The following FARP1 variants were observed in gnomAD, a reference collection of about 807,000 sequenced individuals.
The protein encoded by FARP1 is FERM, ARH/RhoGEF and pleckstrin domain protein 1.
Under a neutral mutation model 128.8 loss-of-function variants are expected in FARP1, and 52 were observed. The observed-to-expected ratio is 0.40, with a 90% confidence interval of 0.32 to 0.51. FARP1 has a LOEUF of 0.51. Ranked by LOEUF, FARP1 falls within the 20% of genes least tolerant of loss-of-function variation. The pLI is 0.45. For missense variants in FARP1, 1,333 were observed against 1,367.9 expected (o/e 0.97, Z 0.40); for synonymous variants, 580 against 551.8 (o/e 1.05, Z -0.72).
intron 23 of FARP1, 113 bp downstream of exon 23, chr13:98,440,348 G>T: frequency 1.3e-6 from 1 of 792,060 alleles, no homozygotes. Flanking sequence ...GTGTACATTT[G>T]TGTTTAAAGC....
At chr13:98,179,093 A>G (rs550102642) in intron 1 of FARP1, among the ~76,000 whole-genome samples, 1 of 152,318 alleles carries the variant, frequency 6.6e-6, no homozygotes, top group Admixed American at 6.5e-5. Context: ...TGATAAAGAC[A>G]CACCTGAGAC....
At chr13:98,159,609 T>C (rs1876732203) in intron 1 of FARP1, 1 of 152,120 alleles carries the variant, frequency 6.6e-6, no homozygotes, top group Non-Finnish European at 1.5e-5. Context: ...GTAGCTGGGA[T>C]TACAGGCATG....
At position 98,454,048 on chromosome 13, in the gene FARP1, C is replaced by T. The variant is rs1267172414; in HGVS notation, c.*5731C>T. On this transcript the variant is annotated 3_prime_UTR_variant, in exon 27 of 27. Coordinates refer to ENST00000319562, the MANE Select transcript of FARP1 (RefSeq NM_005766.4). ...AGATTGGGGATTTGGGATATTCAGC[C>T]TGTATATGTGCACTATATAAGTATA... is the stretch of plus-strand genomic sequence containing the variant. 1 of 152,146 alleles carries T rather than the reference C, an allele frequency of 6.6e-6. No homozygotes were observed. Among genetic ancestry groups the T allele is most frequent in the Non-Finnish European group, 1.5e-5 (1 of 68,044 alleles). 9.4% of individuals were successfully genotyped at this position (152,146 alleles called of 1,614,324 possible). A position where few individuals can be genotyped will look rare whatever the true frequency, so the allele number is the denominator to read the frequency against.
intron 6 of FARP1, chr13:98,383,691 G>C (rs1889976850): frequency 2.0e-5 from 3 of 152,208 alleles, no homozygotes; most frequent in African/African-American, 7.2e-5. Flanking sequence ...AAGGTGTGCT[G>C]TCTCAGAGGT....
chr13:98,411,965 C>G lies in FARP1; in HGVS notation c.1757C>G (p.Pro586Arg). The G allele has an allele frequency of 1.2e-6, 2 of 1,613,920 alleles. No individual in the cohort carries two copies. The highest frequency in any genetic ancestry group is 1.7e-6 in the Non-Finnish European group (2 of 1,179,822). Residue 586 changes from proline (P) to arginine (R), a missense_variant, in exon 16 of 27, where the codon CCG (proline) becomes CGG (arginine). Pro to Arg is a moderately radical substitution (Grantham distance 103). Transcript: ENST00000319562. ...MPEALKSLIF[P>R]NFEPLHKFHT... ...GAAGCACTGAAAAGTCTCATATTCC[C>G]GAATTTTGAACCTTTGCACAAATTT...
chr13:98,177,278 CT>C, intron 1 of FARP1: 1 of 1,473,774 alleles, frequency 6.8e-7, no homozygotes. Context: ...GTGCGTCACC[CT>C]TGCGTCGCCC....
chr13:98,244,513 T>C, intron 2 of FARP1: 1 of 1,614,162 alleles, frequency 6.2e-7, no homozygotes, highest in Non-Finnish European at 8.5e-7. Context: ...TCCTCCTTCC[T>C]CAAAGCCACC....
chr13:98,259,549 C>G (rs903323002), intron 2 of FARP1, among the ~76,000 whole-genome samples: 1 of 152,110 alleles, frequency 6.6e-6, no homozygotes, highest in Admixed American at 6.5e-5. Context: ...GTTTTGCCCC[C>G]CAGGTTTCCT....
intron 1 of FARP1, among the ~76,000 whole-genome samples, chr13:98,202,047 T>G (rs1393039076): frequency 1.3e-5 from 2 of 152,360 alleles, no homozygotes; most frequent in East Asian, 3.9e-4. Context: ...ATAGCTGTTT[T>G]TGAACTTTCT....
intron 2 of FARP1, among the ~76,000 whole-genome samples, chr13:98,235,923 A>C (rs897047440): frequency 6.6e-6 from 1 of 151,756 alleles, no homozygotes; most frequent in Non-Finnish European, 1.5e-5. Context: ...TCCTGGGTTA[A>C]AGCAATTCCC....
At chr13:98,199,859 A>T (rs1257091921) in intron 1 of FARP1, among the ~76,000 whole-genome samples, 2 of 152,162 alleles carry the variant, frequency 1.3e-5, no homozygotes, top group African/African-American at 2.4e-5. Context: ...GGGTGAGCTA[A>T]AGTTTAAAGT....
chr13:98,177,178 A>G, intron 1 of FARP1: 1 of 1,606,990 alleles, frequency 6.2e-7, no homozygotes, highest in Non-Finnish European at 8.5e-7. Flanking sequence ...TTTGAAGAGG[A>G]AGGTGCATAC....
chr13:98,261,841 A>G (rs1295425291), intron 2 of FARP1, among the ~76,000 whole-genome samples: 7 of 152,108 alleles, frequency 4.6e-5, no homozygotes, highest in African/African-American at 1.4e-4. Flanking sequence ...TGGGGAGGGC[A>G]TCAAGCCATT....
intron 4 of FARP1, among the ~76,000 whole-genome samples, chr13:98,365,755 C>T (rs1255476674): frequency 3.3e-5 from 5 of 152,256 alleles, no homozygotes; most frequent in Non-Finnish European, 5.9e-5. Flanking sequence ...CTGTCACTTT[C>T]GAAGGGAAGA....
chr13:98,272,904 A>G (rs193183950), intron 2 of FARP1, among the ~76,000 whole-genome samples: 141 of 152,348 alleles, frequency 9.3e-4, no homozygotes, highest in African/African-American at 3.3e-3. Flanking sequence ...GTCAAAAGCT[A>G]GAAGGGCCCT....
chr13:98,352,893 A>G (rs1034488628), intron 3 of FARP1, among the ~76,000 whole-genome samples: 2 of 152,196 alleles, frequency 1.3e-5, no homozygotes, highest in African/African-American at 4.8e-5. Flanking sequence ...AGATTAAACA[A>G]TATAAACTCC....
In FARP1 at chr13:98,329,181, C is replaced by T. The variant is rs559668825; in HGVS notation, c.172-14581C>T. ...CTAGGTATTTCTTTTCCTGTGTGAC[C>T]GTCACATGACTAGTTTTGTTGTGCA... On this transcript the variant is annotated intron_variant, in intron 2 of 26. Transcript: ENST00000319562. 16 of 152,324 alleles carry T rather than the reference C, an allele frequency of 1.1e-4. No homozygotes were observed. The South Asian group carries it at 2.7e-3, about 26-fold the overall frequency. 9.4% of individuals were successfully genotyped at this position (152,324 alleles called of 1,614,324 possible). A position where few individuals can be genotyped will look rare whatever the true frequency, so the allele number is the denominator to read the frequency against.
intron 2 of FARP1, among the ~76,000 whole-genome samples, chr13:98,270,241 C>T (rs749561251): frequency 6.6e-6 from 1 of 152,134 alleles, no homozygotes; most frequent in Non-Finnish European, 1.5e-5. Flanking sequence ...GTGTTAAGCC[C>T]ATCCCTTCTC....
intron 2 of FARP1, among the ~76,000 whole-genome samples, chr13:98,342,334 A>G (rs539336638): frequency 6.6e-6 from 1 of 152,242 alleles, no homozygotes. Flanking sequence ...AACTAGAAGC[A>G]ACCAAAATGT....
Sources: allele counts gnomAD v4.1 joint callset (sites outside exome capture counted in the v4.1 genomes callset), GRCh38; gene constraint gnomAD v4.1.1; transcripts MANE v1.5; gene names NCBI Gene and HGNC (gene_info 2026-07-23, HGNC 2026-07-21).